Variants in ELAPOR1 observed in about 807,000 individuals in gnomAD.
ELAPOR1 encodes the protein endosome/lysosome-associated apoptosis and autophagy regulator 1.
ELAPOR1 carries 77 observed loss-of-function variants against 119.7 expected under a neutral mutation model. That is an observed-to-expected ratio of 0.64 (90% confidence interval 0.54 to 0.78). ELAPOR1 has a LOEUF of 0.78. Among genes scored for constraint, ELAPOR1 ranks in the 30% least tolerant of loss-of-function variants. The pLI is 0.00. For missense variants in ELAPOR1, 1,115 were observed against 1,270.4 expected (o/e 0.88, Z 1.86); for synonymous variants, 481 against 487.2 (o/e 0.99, Z 0.17).
Position 109,200,148 on chromosome 1 carries a change from T to A in ELAPOR1, c.2718T>A (p.Asp906Glu). Residue 906 changes from aspartate to glutamate, a missense_variant, in exon 20 of 22, where the codon GAT becomes GAA. By Grantham distance (45) the Asp-to-Glu change is conservative (BLOSUM62 2). Transcript: ENST00000369939. ...GAGTCACCATCTGCAAAACCATAGA[T>A]TTCTGGCTGAAAGTGGGCATCTCTG... ...EQRVTICKTIDFWLKVGISAG... is the reference protein window; with the variant it reads ...EQRVTICKTIEFWLKVGISAG... 4 of 1,614,226 alleles carry A rather than the reference T, an allele frequency of 2.5e-6. No individual in the cohort carries two copies. In the South Asian group the frequency reaches 3.3e-5, roughly 13 times the overall value.
At chr1:109,143,857 C>T (rs575762047) in intron 1 of ELAPOR1, among the ~76,000 whole-genome samples, 13 of 151,236 alleles carry the variant, frequency 8.6e-5, no homozygotes, top group African/African-American at 2.2e-4. Context: ...GACAGGGTTT[C>T]GCCATGTTGC....
At position 109,191,379 on chromosome 1, in the gene ELAPOR1, G is replaced by A; in HGVS notation, c.1453G>A (p.Val485Met). ...CTGCCCCTACAGACCTCCGCAGTCG[G>A]TGATGGCAGACACAGAGAATAAAGA... ...VVPGFRPPQS[V>M]MADTENKEVA... is the part of the protein sequence containing the mutation. The change falls in exon 12 of 22, where the codon GTG (valine) becomes ATG (methionine). Residue 485 changes from valine (V) to methionine (M), a missense_variant. Coordinates refer to ENST00000369939, the MANE Select transcript of ELAPOR1 (RefSeq NM_020775.5). The A allele has an allele frequency of 6.2e-7, 1 of 1,614,030 alleles. No homozygotes were observed. The highest frequency in any genetic ancestry group is 2.2e-5 in the East Asian group (1 of 44,886).
intron 8 of ELAPOR1, among the ~76,000 whole-genome samples, chr1:109,186,067 G>C (rs572944800): frequency 6.6e-6 from 1 of 151,350 alleles, no homozygotes; most frequent in Non-Finnish European, 1.5e-5. Flanking sequence ...GTAGTAAGTG[G>C]TAGGAAGGAA....
At chr1:109,188,492 A>T (rs1653213925) in intron 9 of ELAPOR1, 138 bp downstream of exon 9, 1 of 956,920 alleles carries the variant, frequency 1.0e-6, no homozygotes, top group Non-Finnish European at 1.5e-6. Flanking sequence ...GCCACCTTTG[A>T]GGACTAAATT....
In ELAPOR1 at chr1:109,133,174, G is replaced by A. The variant is rs536093471; in HGVS notation, c.153+18838G>A. Among the ~76,000 whole-genome samples, 10 of 152,238 alleles carry A rather than the reference G, an allele frequency of 6.6e-5. No homozygotes were observed. The South Asian group carries it at 8.3e-4, about 13-fold the overall frequency. ...GAGCCTGGGAGGTTGAGGGTGCGGT[G>A]AGCTCTGATTGCACCACTGCACTCC... is the stretch of plus-strand genomic sequence containing the variant. On this transcript the variant is annotated intron_variant, in intron 1 of 21. Transcript: ENST00000369939.
chr1:109,133,090 C>G (rs536669187), intron 1 of ELAPOR1, among the ~76,000 whole-genome samples: 1 of 152,064 alleles, frequency 6.6e-6, no homozygotes, highest in Non-Finnish European at 1.5e-5. Flanking sequence ...ATTAACCAGG[C>G]ATGGTGGCTT....
At chr1:109,186,858 TC>T in intron 8 of ELAPOR1, 2 of 985,548 alleles carry the variant, frequency 2.0e-6, no homozygotes, top group Non-Finnish European at 2.4e-6. Flanking sequence ...AGCCCGGGTG[TC>T]TGCCTTGGCC....
At chr1:109,153,884 G>A (rs932715352) in intron 1 of ELAPOR1, among the ~76,000 whole-genome samples, 29 of 152,002 alleles carry the variant, frequency 1.9e-4, no homozygotes, top group African/African-American at 6.0e-4. Context: ...CACTGTGCCC[G>A]GCCCAGATTT....
At chr1:109,179,433 G>C (rs1272490042) in intron 7 of ELAPOR1, among the ~76,000 whole-genome samples, 1 of 149,376 alleles carries the variant, frequency 6.7e-6, no homozygotes, top group East Asian at 2.0e-4. Flanking sequence ...AAAAAAAGAA[G>C]TGTGAGCAAA....
intron 1 of ELAPOR1, among the ~76,000 whole-genome samples, chr1:109,134,416 C>T (rs1156317882): frequency 1.3e-5 from 2 of 152,108 alleles, no homozygotes; most frequent in African/African-American, 4.8e-5. Context: ...GGCTGTGGGC[C>T]TCTCCCCTCT....
intron 1 of ELAPOR1, among the ~76,000 whole-genome samples, chr1:109,119,475 C>T (rs1648253002): frequency 6.7e-6 from 1 of 149,018 alleles, no homozygotes; most frequent in African/African-American, 2.5e-5. Flanking sequence ...TGAGCCACCG[C>T]ACTCAGCCTG....
intron 1 of ELAPOR1, among the ~76,000 whole-genome samples, chr1:109,158,021 G>A (rs1229127142): frequency 2.0e-5 from 3 of 152,138 alleles, no homozygotes; most frequent in African/African-American, 4.8e-5. Context: ...CTGAGTGGCT[G>A]GAACTACAGG....
chr1:109,198,016 C>T lies in ELAPOR1; in HGVS notation c.2340C>T (p.Ser780=). The T allele has an allele frequency of 6.2e-7, 1 of 1,614,088 alleles. No homozygotes were observed. The highest frequency in any genetic ancestry group is 8.5e-7 in the Non-Finnish European group (1 of 1,179,982). The change falls in exon 17 of 22, where the codon TCC becomes TCT. Residue 780 remains serine (S), a synonymous_variant. Transcript: ENST00000369939. ...TTDMTLDGIT[S]PAELFHLESL... is the part of the protein sequence containing the mutation. ...ATATGACTCTGGATGGAATCACCTC[C>T]CCAGCTGAACTTTTCCACCTGGAGT... is the stretch of plus-strand genomic sequence containing the variant.
At chr1:109,125,494 G>A (rs1026036953) in intron 1 of ELAPOR1, among the ~76,000 whole-genome samples, 1 of 151,822 alleles carries the variant, frequency 6.6e-6, no homozygotes, top group Admixed American at 6.6e-5. Flanking sequence ...CCGGGTTCAA[G>A]TGATTCTCCT....
intron 1 of ELAPOR1, among the ~76,000 whole-genome samples, chr1:109,119,144 G>A (rs1230151184): frequency 6.6e-6 from 1 of 151,614 alleles, no homozygotes; most frequent in Admixed American, 6.6e-5. Flanking sequence ...CGATCTGCCC[G>A]CCTCGGCCTC....
intron 7 of ELAPOR1, among the ~76,000 whole-genome samples, 199 bp downstream of exon 7, chr1:109,174,036 A>G (rs1231784626): frequency 6.9e-6 from 1 of 144,106 alleles, no homozygotes; most frequent in Admixed American, 7.0e-5. Flanking sequence ...TTTTTGAGAT[A>G]GGGTCTCACT....
chr1:109,137,894 A>G (rs1014825998), intron 1 of ELAPOR1, among the ~76,000 whole-genome samples: 1 of 152,250 alleles, frequency 6.6e-6, no homozygotes, highest in Admixed American at 6.5e-5. Context: ...AAGGGACACA[A>G]GAAAGATCTT....
chr1:109,143,931 G>T (rs993104112), intron 1 of ELAPOR1, among the ~76,000 whole-genome samples: 7 of 151,140 alleles, frequency 4.6e-5, no homozygotes, highest in African/African-American at 1.7e-4. Context: ...AAAGTGCTGG[G>T]ATTATAGGTG....
In ELAPOR1 at chr1:109,190,911, C is replaced by T. The variant is rs188262951; in HGVS notation, c.1440-455C>T. ...CAACAATTTACAGTCTTATGATAGA[C>T]GTGCTTCTCAAACATAAATGTGCAC... On this transcript the variant is annotated intron_variant, in intron 11 of 21. Coordinates refer to ENST00000369939, the MANE Select transcript of ELAPOR1 (RefSeq NM_020775.5). 1.8e-4 allele frequency among the ~76,000 whole-genome samples: 27 copies of T among 152,268 alleles called. No homozygotes were observed. In the East Asian group the frequency reaches 5.0e-3, roughly 28 times the overall value.
Sources: gnomAD v4.1 joint callset for allele counts (sites outside exome capture counted in the v4.1 genomes callset) on GRCh38, gnomAD v4.1.1 for gene constraint, MANE v1.5 for transcripts, NCBI Gene and HGNC (gene_info 2026-07-23, HGNC 2026-07-21) for gene names.